Variants in ZC3H3 observed in about 807,000 individuals in gnomAD.
ZC3H3 encodes zinc finger CCCH-type containing 3.
In ZC3H3, 36 loss-of-function variants were observed where a neutral mutation model predicts 77.3. The observed-to-expected ratio is 0.47, with a 90% CI of 0.36 to 0.61. The LOEUF is 0.61. ZC3H3 is among the 20% of genes least tolerant of loss of function. The probability of loss-of-function intolerance (pLI) is 0.00; values close to 1 mark genes in which losing one functional copy is unlikely to be tolerated. For missense variants in ZC3H3, 1,331 were observed against 1,312.2 expected, an observed-to-expected ratio of 1.01 and a Z score of -0.22; for synonymous variants, 626 against 555.2, an observed-to-expected ratio of 1.13 and a Z score of -1.79.
At chr8:143,456,122 C>T (rs1820112705) in intron 9 of ZC3H3, among the ~76,000 whole-genome samples, 1 of 151,594 alleles carries the variant, frequency 6.6e-6, no homozygotes. Flanking sequence ...GAATGTATCC[C>T]CCACAGAGAA....
Position 143,507,911 on chromosome 8 carries a change from A to C in ZC3H3, c.1562-12T>G. 4 of 1,571,108 alleles carry C rather than the reference A, an allele frequency of 2.5e-6. No individual in the cohort carries two copies. The highest frequency in any genetic ancestry group is 2.6e-6 in the Non-Finnish European group (3 of 1,152,974). ...ATGCAGGCTGGACGCTGTAGAGAAA[A>C]CCCAGGGCACAGACATGGGTCAGGG... On this transcript the variant is annotated splice_polypyrimidine_tract_variant and intron_variant, in intron 3 of 11. Transcript: ENST00000262577.
intron 9 of ZC3H3, among the ~76,000 whole-genome samples, chr8:143,454,013 T>C (rs1048474438): frequency 7.2e-5 from 11 of 152,136 alleles, no homozygotes; most frequent in African/African-American, 2.7e-4. Context: ...TTCAGTTACC[T>C]GAAGTCAACT....
At chr8:143,482,747 G>A (rs1452975543) in intron 4 of ZC3H3, among the ~76,000 whole-genome samples, 4 of 152,226 alleles carry the variant, frequency 2.6e-5, no homozygotes, top group Non-Finnish European at 4.4e-5. Context: ...TCCCCAGGAC[G>A]ATGGCAAGGC....
intron 9 of ZC3H3, among the ~76,000 whole-genome samples, chr8:143,457,844 G>A (rs144108807): frequency 3.9e-4 from 60 of 152,280 alleles, no homozygotes; most frequent in African/African-American, 1.4e-3. Context: ...TCCAGCCTGG[G>A]TGAGAGTGAG....
intron 3 of ZC3H3, among the ~76,000 whole-genome samples, chr8:143,509,513 C>T (rs916533791): frequency 8.5e-5 from 13 of 152,206 alleles, no homozygotes; most frequent in African/African-American, 2.2e-4. Flanking sequence ...AGGGCTGCCA[C>T]CAGCCCACCC....
At chr8:143,483,049 A>G (rs1292776015) in intron 4 of ZC3H3, among the ~76,000 whole-genome samples, 3 of 152,218 alleles carry the variant, frequency 2.0e-5, no homozygotes, top group Admixed American at 6.5e-5. Context: ...AGACACAGAG[A>G]AAACAACCGG....
chr8:143,524,008 A>G (rs887638304), intron 3 of ZC3H3, among the ~76,000 whole-genome samples: 1 of 152,224 alleles, frequency 6.6e-6, no homozygotes, highest in African/African-American at 2.4e-5. Flanking sequence ...ACAGCTAGCC[A>G]GCGGGGGAGG....
At chr8:143,477,374 C>T (rs1820765540) in intron 4 of ZC3H3, among the ~76,000 whole-genome samples, 1 of 152,218 alleles carries the variant, frequency 6.6e-6, no homozygotes, top group Non-Finnish European at 1.5e-5. Context: ...CACCTCCCAC[C>T]TATCCTGTCT....
At chr8:143,464,972 GC>G (rs34780408) in intron 9 of ZC3H3, among the ~76,000 whole-genome samples, 68,069 of 151,944 alleles carry the variant, frequency 0.45, 16,050 homozygotes, top group African/African-American at 0.61. Flanking sequence ...AGATGCTGAG[GC>G]CACGCTGCTT....
chr8:143,533,685 CTTT>C lies in ZC3H3; in HGVS notation c.1561+2569_1561+2571del, dbSNP rs1244995181. ...CACTCCATGCAGCCGCCACGCTGGTCTTTTTTTTTTTTTTTTTTTGAGACAAAA... is the reference window on the plus strand; with the variant it reads ...CACTCCATGCAGCCGCCACGCTGGTCTTTTTTTTTTTTTTTTGAGACAAAA... On this transcript the variant is annotated intron_variant, in intron 3 of 11. Coordinates refer to ENST00000262577, the MANE Select transcript of ZC3H3 (RefSeq NM_015117.3). The surrounding 1 kb of genome is among the most constrained non-coding windows in gnomAD (Gnocchi z 4.0). Among the ~76,000 whole-genome samples, 437 of 128,702 alleles carry C rather than the reference CTTT, an allele frequency of 3.4e-3. 3 individuals carry two copies. The highest frequency in any genetic ancestry group is 0.012 in the African/African-American group (411 of 34,804). 84.4% of individuals were successfully genotyped at this position (128,702 alleles called of 152,430 possible).
rs528342119 is a variant in ZC3H3 at position 143,457,175 on chromosome 8, T to C, written c.2307+8542A>G. On this transcript the variant is annotated intron_variant, in intron 9 of 11. Transcript: ENST00000262577. ...AGTACACATGGGACATATACCAAGATAGACTATATCCTCAGCCATAAAACA... is the reference window on the plus strand; with the variant it reads ...AGTACACATGGGACATATACCAAGACAGACTATATCCTCAGCCATAAAACA... 3.3e-5 allele frequency among the ~76,000 whole-genome samples: 5 copies of C among 152,304 alleles called. No individual in the cohort carries two copies. The East Asian group carries it at 5.8e-4, about 18-fold the overall frequency.
At chr8:143,466,061 C>T (rs1375867416) in intron 8 of ZC3H3, among the ~76,000 whole-genome samples, 1 of 152,236 alleles carries the variant, frequency 6.6e-6, no homozygotes, top group Non-Finnish European at 1.5e-5. Flanking sequence ...CCCTGCCGTG[C>T]TCTGTCCAGA....
intron 5 of ZC3H3, among the ~76,000 whole-genome samples, chr8:143,473,934 T>C (rs1377862841): frequency 6.6e-6 from 1 of 152,024 alleles, no homozygotes; most frequent in African/African-American, 2.4e-5. Flanking sequence ...CCCTCCACGA[T>C]ACAAACAGCT....
chr8:143,520,220 C>G lies in ZC3H3; in HGVS notation c.1562-12321G>C, dbSNP rs1226020253. On this transcript the variant is annotated intron_variant, in intron 3 of 11. Coordinates refer to ENST00000262577, the MANE Select transcript of ZC3H3 (RefSeq NM_015117.3). ...AGAAAGAGGCAGGTGGGGTCTCCCC[C>G]TCAACAGAACAAAGAAGAGGCTGAG... Among the ~76,000 whole-genome samples, 4 of 152,240 alleles carry G rather than the reference C, an allele frequency of 2.6e-5. No individual in the cohort carries two copies. The East Asian group carries it at 5.8e-4, about 22-fold the overall frequency.
intron 4 of ZC3H3, among the ~76,000 whole-genome samples, chr8:143,478,659 G>A (rs773608126): frequency 1.3e-5 from 2 of 152,204 alleles, no homozygotes; most frequent in African/African-American, 2.4e-5. Flanking sequence ...ACAGGCATGT[G>A]CCAACACGCC....
intron 4 of ZC3H3, among the ~76,000 whole-genome samples, chr8:143,501,280 G>A (rs370966808): frequency 2.6e-5 from 4 of 151,996 alleles, no homozygotes; most frequent in South Asian, 2.1e-4. Context: ...GGCTCACTGC[G>A]GCCTCAACCT....
chr8:143,501,425 A>T (rs1275969152), intron 4 of ZC3H3, among the ~76,000 whole-genome samples: 1 of 150,596 alleles, frequency 6.6e-6, no homozygotes, highest in Non-Finnish European at 1.5e-5. Flanking sequence ...GCTGGTCTTG[A>T]ACTCCAGAGC....
rs1487371858 is a variant in ZC3H3, at chr8:143,500,814, G to T, written c.1715+6932C>A. 4.6e-5 allele frequency among the ~76,000 whole-genome samples: 4 copies of T among 86,234 alleles called. No individual in the cohort carries two copies. The East Asian group carries it at 1.0e-3, about 23-fold the overall frequency. 56.6% of individuals were successfully genotyped at this position (86,234 alleles called of 152,430 possible). ...CCTCCCCACACCGTCACGTCACAAT[G>T]TCTATTTTTTTTTTTTTTTGAGACT... On this transcript the variant is annotated intron_variant, in intron 4 of 11. Transcript: ENST00000262577.
intron 9 of ZC3H3, among the ~76,000 whole-genome samples, chr8:143,448,200 G>T (rs1586874712): frequency 6.6e-6 from 1 of 151,904 alleles, no homozygotes; most frequent in African/African-American, 2.4e-5. Context: ...CAGCTTCTAG[G>T]GAGGCTGAGG....
Sources: gnomAD v4.1 joint callset for allele counts (sites outside exome capture counted in the v4.1 genomes callset) on GRCh38, gnomAD v4.1.1 for gene constraint, Gnocchi (gnomAD v3.1) non-coding constraint, MANE v1.5 for transcripts, NCBI Gene and HGNC (gene_info 2026-07-23, HGNC 2026-07-21) for gene names.